Variants in GABRB3 observed in about 807,000 individuals in gnomAD.
The protein encoded by GABRB3 is gamma-aminobutyric acid type A receptor subunit beta3.
In GABRB3, 14 loss-of-function variants were observed where a neutral mutation model predicts 52.1. The ratio of observed to expected loss-of-function variants is 0.27; its 90% CI spans 0.18 to 0.42. The LOEUF (loss-of-function observed/expected upper bound fraction) is 0.42, where lower values mean the gene tolerates loss of function less well. Among genes scored for constraint, GABRB3 ranks in the 10% least tolerant of loss-of-function variants. The pLI is 1.00. For synonymous variants in GABRB3, 260 were observed against 232.3 expected (o/e 1.12, Z -1.08); for missense variants, 307 against 609.1 (o/e 0.50, Z 5.22).
chr15:26,617,216 C>T (rs1041189236), intron 4 of GABRB3, among the ~76,000 whole-genome samples: 1 of 152,186 alleles, frequency 6.6e-6, no homozygotes, highest in Non-Finnish European at 1.5e-5. Context: ...AGGGAATCCT[C>T]CCTAACTCAT....
At chr15:26,741,610 C>T (rs1404617303) in intron 3 of GABRB3, among the ~76,000 whole-genome samples, 1 of 152,022 alleles carries the variant, frequency 6.6e-6, no homozygotes, top group Non-Finnish European at 1.5e-5. Flanking sequence ...ACCTCATTTT[C>T]GTTTGTCTGT....
chr15:26,611,080 T>A (rs1410838776), intron 4 of GABRB3, among the ~76,000 whole-genome samples: 1 of 152,156 alleles, frequency 6.6e-6, no homozygotes, highest in East Asian at 1.9e-4. Flanking sequence ...CTTACATAGG[T>A]GAACACCTGA....
intron 3 of GABRB3, among the ~76,000 whole-genome samples, chr15:26,692,953 T>A (rs1252790139): frequency 6.6e-6 from 1 of 152,148 alleles, no homozygotes; most frequent in Non-Finnish European, 1.5e-5. Flanking sequence ...GATCCGAACT[T>A]TAAGAAAACT....
chr15:26,687,648 T>A (rs910282228), intron 3 of GABRB3, among the ~76,000 whole-genome samples: 3 of 152,172 alleles, frequency 2.0e-5, no homozygotes, highest in African/African-American at 7.2e-5. Context: ...AACCATCACA[T>A]CCTTTGTTTT....
In GABRB3 at chr15:26,661,711, T is replaced by C. The variant is rs139859921; in HGVS notation, c.241-40177A>G. Among the ~76,000 whole-genome samples the C allele has an allele frequency of 5.7e-4, 87 of 151,978 alleles. No individual in the cohort carries two copies. The East Asian group carries it at 0.014, about 24-fold the overall frequency. ...GTGGGGATCGGAAGGGGTCTTGCAA[T>C]GAAGTGAGGGGACACCCAAGGAGAT... On this transcript the variant is annotated intron_variant, in intron 3 of 8. Coordinates refer to ENST00000311550, the MANE Select transcript of GABRB3 (RefSeq NM_000814.6).
chr15:26,572,828 G>A (rs1289122475), intron 6 of GABRB3, among the ~76,000 whole-genome samples: 1 of 152,202 alleles, frequency 6.6e-6, no homozygotes, highest in Non-Finnish European at 1.5e-5. Flanking sequence ...ACAGACAGAG[G>A]CACAGTCCCT....
intron 8 of GABRB3, 31 bp downstream of exon 8, chr15:26,560,901 C>A: frequency 6.2e-7 from 1 of 1,612,846 alleles, no homozygotes; most frequent in Non-Finnish European, 8.5e-7. Context: ...GCTGCAGGGA[C>A]CAGGTGGGGT....
chr15:26,676,190 T>C (rs1037300774), intron 3 of GABRB3, among the ~76,000 whole-genome samples: 2 of 152,248 alleles, frequency 1.3e-5, no homozygotes, highest in African/African-American at 4.8e-5. Flanking sequence ...CTTCAGCACC[T>C]GCTTGCAACT....
intron 3 of GABRB3, among the ~76,000 whole-genome samples, chr15:26,745,583 T>C (rs1452090711): frequency 1.3e-5 from 2 of 152,180 alleles, no homozygotes; most frequent in Non-Finnish European, 1.5e-5. Context: ...AGTTTTTTTC[T>C]CACATCACAA....
intron 4 of GABRB3, among the ~76,000 whole-genome samples, chr15:26,607,499 G>A (rs1566771224): frequency 6.6e-6 from 1 of 151,940 alleles, no homozygotes; most frequent in South Asian, 2.1e-4. Context: ...GTGTGCCCAG[G>A]AGTTTGAGGT....
intron 3 of GABRB3, among the ~76,000 whole-genome samples, chr15:26,650,707 A>C (rs918989161): frequency 2.6e-5 from 4 of 151,870 alleles, no homozygotes; most frequent in African/African-American, 7.3e-5. Context: ...GGTTTTCTAC[A>C]CTGTTGTGCC....
chr15:26,742,924 CTTT>C (rs779891729), intron 3 of GABRB3, among the ~76,000 whole-genome samples: 1 of 48,832 alleles, frequency 2.0e-5, no homozygotes. Flanking sequence ...ATTAGAGATT[CTTT>C]TTTTTTTTTT....
At chr15:26,585,340 T>A (rs1476146418) in intron 4 of GABRB3, among the ~76,000 whole-genome samples, 1 of 152,198 alleles carries the variant, frequency 6.6e-6, no homozygotes, top group Non-Finnish European at 1.5e-5. Context: ...TTTTTCTGAA[T>A]GATCTTCATT....
intron 4 of GABRB3, among the ~76,000 whole-genome samples, chr15:26,617,194 C>A (rs1276100471): frequency 6.6e-6 from 1 of 152,086 alleles, no homozygotes; most frequent in Non-Finnish European, 1.5e-5. Context: ...CTATTCCAAT[C>A]AATAGAAAAA....
At chr15:26,560,189 A>G (rs189045220) in intron 8 of GABRB3, among the ~76,000 whole-genome samples, 11 of 152,318 alleles carry the variant, frequency 7.2e-5, no homozygotes, top group African/African-American at 2.6e-4. Flanking sequence ...ATCAACACTA[A>G]TATTGGTTTT....
At chr15:26,732,693 G>A (rs368878633) in intron 3 of GABRB3, among the ~76,000 whole-genome samples, 2 of 152,030 alleles carry the variant, frequency 1.3e-5, no homozygotes, top group East Asian at 3.9e-4. Context: ...TCAGCCCGCT[G>A]AGTAGCTGGG....
chr15:26,579,942 A>C (rs1180394931), intron 6 of GABRB3, among the ~76,000 whole-genome samples: 1 of 152,166 alleles, frequency 6.6e-6, no homozygotes, highest in Admixed American at 6.5e-5. Context: ...TACTCTTGGG[A>C]GGAGAACAGC....
chr15:26,743,899 A>G (rs1890272343), intron 3 of GABRB3, among the ~76,000 whole-genome samples: 1 of 152,154 alleles, frequency 6.6e-6, no homozygotes, highest in South Asian at 2.1e-4. Context: ...TAAGAAACTC[A>G]TTTCAGATTT....
intron 4 of GABRB3, among the ~76,000 whole-genome samples, chr15:26,606,788 C>CGATAGATAGA (rs369220407): frequency 0.032 from 3,723 of 115,230 alleles, 211 homozygotes; most frequent in African/African-American, 0.096. Context: ...ATAGATATAT[C>CGATAGATAGA]TATAGATAGA....
Sources: gnomAD v4.1 joint callset for allele counts (sites outside exome capture counted in the v4.1 genomes callset) on GRCh38, gnomAD v4.1.1 for gene constraint, MANE v1.5 for transcripts, NCBI Gene and HGNC (gene_info 2026-07-23, HGNC 2026-07-21) for gene names.